The following C3orf70 variants were observed in gnomAD, a reference collection of about 807,000 sequenced individuals.
The protein encoded by C3orf70 is UPF0524 protein C3orf70.
Under a neutral mutation model 20.7 loss-of-function variants are expected in C3orf70, and 15 were observed. That is an observed-to-expected ratio of 0.72 (90% CI 0.48 to 1.11). The LOEUF (loss-of-function observed/expected upper bound fraction) is 1.11. C3orf70 is among the 50% of genes most tolerant of loss of function. The pLI is 0.00. For synonymous variants in C3orf70, 161 were observed against 125.7 expected, an observed-to-expected ratio of 1.28 and a Z score of -1.88; for missense variants, 332 against 317.6, an observed-to-expected ratio of 1.05 and a Z score of -0.34.
At chr3:185,144,893 C>A (rs1716824295) in intron 1 of C3orf70, among the ~76,000 whole-genome samples, 1 of 152,192 alleles carries the variant, frequency 6.6e-6, no homozygotes, top group Non-Finnish European at 1.5e-5. Context: ...AGGCACCCAC[C>A]ATGGCGCTTG....
At chr3:185,141,649 A>G (rs187261925) in intron 1 of C3orf70, among the ~76,000 whole-genome samples, 6 of 152,344 alleles carry the variant, frequency 3.9e-5, no homozygotes, top group Non-Finnish European at 7.4e-5. Context: ...AAAAAAGCCA[A>G]TCACAAAAGG....
At chr3:185,144,042 C>T (rs1479547959) in intron 1 of C3orf70, among the ~76,000 whole-genome samples, 1 of 151,662 alleles carries the variant, frequency 6.6e-6, no homozygotes, top group Non-Finnish European at 1.5e-5. Flanking sequence ...CAAAATAGAA[C>T]TTTCCACAAT....
chr3:185,085,081 A>G (rs1715433257), intron 1 of C3orf70, among the ~76,000 whole-genome samples: 2 of 152,116 alleles, frequency 1.3e-5, no homozygotes, highest in South Asian at 2.1e-4. Context: ...TCCTTCTCAA[A>G]TGAGACAAAT....
chr3:185,086,420 T>C (rs1222080769), intron 1 of C3orf70, among the ~76,000 whole-genome samples: 3 of 152,126 alleles, frequency 2.0e-5, no homozygotes, highest in African/African-American at 7.2e-5. Context: ...TAGGTTTAGA[T>C]GAGGTTTAGA....
At chr3:185,133,211 A>C (rs1716557037) in intron 1 of C3orf70, among the ~76,000 whole-genome samples, 1 of 152,198 alleles carries the variant, frequency 6.6e-6, no homozygotes, top group South Asian at 2.1e-4. Flanking sequence ...GCATTCTTAC[A>C]TGTTGCTGGT....
rs79907104 is a variant in C3orf70, at chr3:185,143,594, A to G, written c.196+9034T>C. 7.2e-4 allele frequency among the ~76,000 whole-genome samples: 109 copies of G among 152,346 alleles called. No homozygotes were observed. In the East Asian group the frequency reaches 0.019, roughly 27 times the overall value. On this transcript the variant is annotated intron_variant, in intron 1 of 1. Transcript: ENST00000335012. ...TATGCTTACAAAATACTCTTAAAAT[A>G]TCAGAAAATTGAAGTATAAGAGAAA...
At chr3:185,119,167 C>T (rs1716240639) in intron 1 of C3orf70, among the ~76,000 whole-genome samples, 1 of 152,142 alleles carries the variant, frequency 6.6e-6, no homozygotes, top group Non-Finnish European at 1.5e-5. Context: ...CAAATGACTA[C>T]ACATTTGCCC....
At chr3:185,118,128 G>A (rs1409680903) in intron 1 of C3orf70, among the ~76,000 whole-genome samples, 2 of 152,186 alleles carry the variant, frequency 1.3e-5, no homozygotes, top group Admixed American at 1.3e-4. Flanking sequence ...CCCCAAGGCA[G>A]TATTACATTG....
intron 1 of C3orf70, among the ~76,000 whole-genome samples, chr3:185,117,375 T>G (rs1716196384): frequency 6.6e-6 from 1 of 151,102 alleles, no homozygotes; most frequent in Admixed American, 6.6e-5. Flanking sequence ...GCCCATCACT[T>G]AGGGTAAAAA....
At chr3:185,086,751 T>C (rs1483387006) in intron 1 of C3orf70, among the ~76,000 whole-genome samples, 1 of 152,152 alleles carries the variant, frequency 6.6e-6, no homozygotes, top group Non-Finnish European at 1.5e-5. Context: ...TAAATGTGTT[T>C]ACTCAGAGCG....
intron 1 of C3orf70, among the ~76,000 whole-genome samples, chr3:185,150,907 T>C (rs539227886): frequency 6.6e-6 from 1 of 152,328 alleles, no homozygotes; most frequent in South Asian, 2.1e-4. Flanking sequence ...GATCACTAGC[T>C]TCATTCAGTC....
At chr3:185,107,388 C>T (rs1406691029) in intron 1 of C3orf70, among the ~76,000 whole-genome samples, 1 of 152,130 alleles carries the variant, frequency 6.6e-6, no homozygotes, top group Admixed American at 6.5e-5. Context: ...ATATAGCCCT[C>T]AAAGGCAACA....
chr3:185,145,939 T>C (rs193001600), intron 1 of C3orf70, among the ~76,000 whole-genome samples: 2 of 152,116 alleles, frequency 1.3e-5, no homozygotes, highest in African/African-American at 4.8e-5. Context: ...GCGTTCTCTA[T>C]CTCTGGAAGA....
intron 1 of C3orf70, among the ~76,000 whole-genome samples, chr3:185,115,805 T>C (rs527368538): frequency 3.9e-5 from 6 of 152,346 alleles, no homozygotes; most frequent in African/African-American, 1.2e-4. Flanking sequence ...CTGCAGATCA[T>C]TGACTTCTCA....
intron 1 of C3orf70, among the ~76,000 whole-genome samples, chr3:185,126,541 T>C (rs537803266): frequency 6.6e-6 from 1 of 152,222 alleles, no homozygotes; most frequent in African/African-American, 2.4e-5. Flanking sequence ...AGAAATAATA[T>C]AAAAAACAGA....
At chr3:185,083,608 T>A in intron 1 of C3orf70, 45 bp from the exon 2 acceptor site, 1 of 1,474,408 alleles carries the variant, frequency 6.8e-7, no homozygotes, top group Non-Finnish European at 9.0e-7. Context: ...TTACACAAAC[T>A]ATATTAACAT....
chr3:185,128,622 T>G (rs1169012486), intron 1 of C3orf70, among the ~76,000 whole-genome samples: 2 of 152,174 alleles, frequency 1.3e-5, no homozygotes, highest in African/African-American at 4.8e-5. Flanking sequence ...TGTATCTGAT[T>G]AACCTTGAAG....
intron 1 of C3orf70, among the ~76,000 whole-genome samples, chr3:185,083,837 C>T: frequency 6.6e-6 from 1 of 152,102 alleles, no homozygotes; most frequent in East Asian, 1.9e-4. Flanking sequence ...CACTATAATC[C>T]TTATTTTACA....
At chr3:185,097,979 G>A (rs139542701) in intron 1 of C3orf70, among the ~76,000 whole-genome samples, 1 of 152,286 alleles carries the variant, frequency 6.6e-6, no homozygotes, top group Admixed American at 6.5e-5. Flanking sequence ...GACAATGTAG[G>A]TTTTCAAGAC....
Sources: gnomAD v4.1 joint callset for allele counts (sites outside exome capture counted in the v4.1 genomes callset) on GRCh38, gnomAD v4.1.1 for gene constraint, MANE v1.5 for transcripts, NCBI Gene and HGNC (gene_info 2026-07-23, HGNC 2026-07-21) for gene names.